The following NFXL1 variants were observed in gnomAD, a reference collection of about 807,000 sequenced individuals.
NFXL1 encodes nuclear transcription factor, X-box binding like 1, also known as NF-X1-type zinc finger protein NFXL1.
A neutral mutation model predicts 123.3 loss-of-function variants in NFXL1; 66 were observed. The ratio of observed to expected loss-of-function variants is 0.54; its 90% CI spans 0.44 to 0.66. NFXL1 has a LOEUF of 0.66. Ranked by LOEUF, NFXL1 falls within the 30% of genes least tolerant of loss-of-function variation. NFXL1 has a pLI of 0.00. For synonymous variants in NFXL1, 346 were observed against 360.8 expected (o/e 0.96, Z 0.46); for missense variants, 944 against 1,125.6 (o/e 0.84, Z 2.31).
chr4:47,857,914 G>C (rs1163931744), intron 19 of NFXL1, among the ~76,000 whole-genome samples: 2 of 152,150 alleles, frequency 1.3e-5, no homozygotes, highest in East Asian at 3.9e-4. Context: ...CCCAAAGCTT[G>C]ACTGTATAGC....
At chr4:47,851,041 C>A (rs1466081631) in intron 22 of NFXL1, 54 bp downstream of exon 22, 4 of 1,360,972 alleles carry the variant, frequency 2.9e-6, no homozygotes, top group Non-Finnish European at 4.2e-6. Context: ...CGTGTTTGCA[C>A]AAAATCTAGC....
chr4:47,895,257 G>C (rs981481813), intron 10 of NFXL1, among the ~76,000 whole-genome samples: 4 of 152,142 alleles, frequency 2.6e-5, no homozygotes, highest in African/African-American at 9.6e-5. Context: ...TAGGATTTTT[G>C]AAATGGTAAA....
chr4:47,900,643 A>G (rs1737318597), intron 5 of NFXL1, among the ~76,000 whole-genome samples: 1 of 152,250 alleles, frequency 6.6e-6, no homozygotes, highest in Non-Finnish European at 1.5e-5. Flanking sequence ...TCAAAAATAT[A>G]CTTGTAGATC....
chr4:47,896,868 C>A (rs143221753), intron 9 of NFXL1, among the ~76,000 whole-genome samples: 184 of 152,224 alleles, frequency 1.2e-3, no homozygotes, highest in African/African-American at 4.2e-3. Context: ...TTACTATCCT[C>A]AAGAAACACA....
At chr4:47,854,227 T>C (rs1435744134) in intron 20 of NFXL1, among the ~76,000 whole-genome samples, 1 of 151,792 alleles carries the variant, frequency 6.6e-6, no homozygotes, top group African/African-American at 2.4e-5. Context: ...CCTCAATACA[T>C]ATCCATCACA....
chr4:47,898,286 A>C (rs951629778), intron 8 of NFXL1, among the ~76,000 whole-genome samples: 5 of 152,156 alleles, frequency 3.3e-5, no homozygotes. Context: ...TATATTTCCT[A>C]TGCACCAAAA....
At chr4:47,892,179 T>C (rs925422472) in intron 11 of NFXL1, among the ~76,000 whole-genome samples, 2 of 152,168 alleles carry the variant, frequency 1.3e-5, no homozygotes, top group African/African-American at 2.4e-5. Flanking sequence ...AGGTATTAGA[T>C]AATGAGGCAG....
chr4:47,898,802 T>C lies in NFXL1; in HGVS notation c.1044A>G (p.Lys348=), dbSNP rs376850309. ...GACTTGCACAACTTCTTTCAGCTAC[T>C]TTTTTGCCACAGACACACTTTTGTC... ...VSRQKCVCGK[K]VAERSCASPL... The change falls in exon 8 of 23, where the codon AAA becomes AAG. Residue 348 remains lysine (K), a synonymous_variant. Transcript: ENST00000507489. 114 of 1,613,634 alleles carry C rather than the reference T, an allele frequency of 7.1e-5. No homozygotes were observed. Among genetic ancestry groups the C allele is most frequent in the Non-Finnish European group, 8.9e-5 (105 of 1,179,716 alleles).
At chr4:47,881,775 G>A (rs950468798) in intron 15 of NFXL1, among the ~76,000 whole-genome samples, 1 of 152,212 alleles carries the variant, frequency 6.6e-6, no homozygotes, top group Non-Finnish European at 1.5e-5. Context: ...GAAGAAGCCA[G>A]TCTGAAAATG....
chr4:47,904,792 C>T (rs139086807), intron 4 of NFXL1, among the ~76,000 whole-genome samples: 3 of 152,292 alleles, frequency 2.0e-5, no homozygotes, highest in Admixed American at 1.3e-4. Context: ...ATCTCTCTCC[C>T]GACTGACCCT....
rs1405004994 is a variant in NFXL1, at chr4:47,851,889, T to C, written c.2475A>G (p.Thr825=). ...CTTTCCGCTTCATTTCCTTGCACGT[T>C]GTGTCACATTCTATTGAAACCTGAT... ...RENQVSIECD[T]TCKEMKRKAS... Residue 825 remains threonine (T), a synonymous_variant, in exon 21 of 23, where the codon ACA becomes ACG. Transcript: ENST00000507489. 3 of 1,611,120 alleles carry C rather than the reference T, an allele frequency of 1.9e-6. No homozygotes were observed. Among genetic ancestry groups the C allele is most frequent in the Non-Finnish European group, 2.5e-6 (3 of 1,177,616 alleles).
intron 18 of NFXL1, among the ~76,000 whole-genome samples, chr4:47,872,868 C>T (rs1342963545): frequency 1.3e-5 from 2 of 152,162 alleles, no homozygotes; most frequent in Non-Finnish European, 2.9e-5. Flanking sequence ...GAGTTTGCTG[C>T]ATCAATTGAC....
chr4:47,873,841 C>T (rs982418270), intron 18 of NFXL1, among the ~76,000 whole-genome samples: 7 of 152,204 alleles, frequency 4.6e-5, no homozygotes, highest in Non-Finnish European at 1.0e-4. Context: ...CAACAGAAGG[C>T]TGTTTTGTCT....
chr4:47,862,847 T>A lies in NFXL1; in HGVS notation c.2315A>T (p.Glu772Val). The change falls in exon 19 of 23, where the codon GAG (glutamate) becomes GTG (valine). Residue 772 changes from glutamate to valine, a missense_variant and splice_region_variant. Physicochemically the swap from Glu to Val is moderately radical, Grantham distance 121. Around this residue, in one of 4 missense-constraint regions of NFXL1, gnomAD observed 301 missense variants for 348.0 expected, o/e 0.86. Transcript: ENST00000507489. ...TTAAAAGGTTCTACTAAAGCTTACC[T>A]CTTTAGGGCACTGATTTTTGCAACA... ...LSCCKNQCPK[E>V]LPCGHRCKEM... 6.6e-7 allele frequency: 1 copy of A among 1,521,006 alleles called. No homozygotes were observed. The highest frequency in any genetic ancestry group is 1.2e-5 in the South Asian group (1 of 82,766). 94.2% of individuals were successfully genotyped at this position (1,521,006 alleles called of 1,614,324 possible).
At chr4:47,869,130 C>T (rs779854750) in intron 18 of NFXL1, among the ~76,000 whole-genome samples, 19 of 152,108 alleles carry the variant, frequency 1.2e-4, no homozygotes, top group Admixed American at 8.5e-4. Flanking sequence ...GAGGCTGAGG[C>T]GGGAGGATCA....
At chr4:47,855,421 C>T (rs1189180030) in intron 19 of NFXL1, among the ~76,000 whole-genome samples, 4 of 151,638 alleles carry the variant, frequency 2.6e-5, no homozygotes, top group Non-Finnish European at 5.9e-5. Flanking sequence ...CTTACAGCCA[C>T]CCTTGTAGCT....
At chr4:47,904,102 T>G (rs1737459045) in intron 4 of NFXL1, among the ~76,000 whole-genome samples, 1 of 152,198 alleles carries the variant, frequency 6.6e-6, no homozygotes, top group Non-Finnish European at 1.5e-5. Context: ...AGAACTTGGA[T>G]GCAGGAGTAA....
At chr4:47,861,205 T>C (rs1734748493) in intron 19 of NFXL1, among the ~76,000 whole-genome samples, 4 of 152,144 alleles carry the variant, frequency 2.6e-5, no homozygotes, top group African/African-American at 9.7e-5. Flanking sequence ...TTCTAATGAA[T>C]GTTAAAGCAA....
rs760340622 is a variant in NFXL1, at chr4:47,914,151, C to A, written c.53G>T (p.Arg18Leu). Reference protein sequence around the residue: ...VAGGRGRSRGRATAAPSGNGV... With the variant: ...VAGGRGRSRGLATAAPSGNGV... The stretch of plus-strand genomic sequence containing the variant: ...ATTTCCTGAGGGGGCGGCAGTGGCC[C>A]GTCCCCGGGATCGGCCTCGGCCACC... The change falls in exon 2 of 23, where the codon CGG (arginine) becomes CTG (leucine). Residue 18 changes from arginine (R) to leucine (L), a missense_variant. Arg to Leu is a moderately radical substitution (Grantham distance 102). Coordinates refer to ENST00000507489, the MANE Select transcript of NFXL1 (RefSeq NM_001278624.2). 34 of 1,549,480 alleles carry A rather than the reference C, an allele frequency of 2.2e-5. No individual in the cohort carries two copies. Among genetic ancestry groups the A allele is most frequent in the Non-Finnish European group, 2.8e-5 (32 of 1,146,082 alleles).
Sources: allele counts gnomAD v4.1 joint callset (sites outside exome capture counted in the v4.1 genomes callset), GRCh38; gene constraint gnomAD v4.1.1; regional missense constraint gnomAD v4.1.1; transcripts MANE v1.5; gene names NCBI Gene and HGNC (gene_info 2026-07-23, HGNC 2026-07-21).